FGD2: variants seen among roughly 807,000 people sequenced by gnomAD.
The protein encoded by FGD2 is FYVE, RhoGEF and PH domain-containing protein 2.
A neutral mutation model predicts 75.9 loss-of-function variants in FGD2; 52 were observed. The observed-to-expected ratio is 0.69, with a 90% CI of 0.55 to 0.86. The LOEUF (loss-of-function observed/expected upper bound fraction) is 0.86. FGD2 is among the 40% of genes least tolerant of loss of function. FGD2 has a pLI of 0.00. For missense variants in FGD2, 790 were observed against 872.0 expected (o/e 0.91, Z 1.18); for synonymous variants, 347 against 348.6 (o/e 1.00, Z 0.05).
At position 37,021,455 on chromosome 6, in the gene FGD2, G is replaced by A. The variant is rs1032605678; in HGVS notation, c.1234-57G>A. The A allele has an allele frequency of 2.0e-6, 3 of 1,470,570 alleles. No individual in the cohort carries two copies. In the African/African-American group the frequency reaches 4.2e-5, roughly 20 times the overall value. The allele number at this position is 1,470,570 out of a possible 1,614,324, so 91.1% of individuals were successfully genotyped here. A position where few individuals can be genotyped will look rare whatever the true frequency, so the allele number is the denominator to read the frequency against. ...TGCATGCACGGAAGGATGGACAGAGGAGCAATCCCTCCCTTCCACACCTCA... is the reference window on the plus strand; with the variant it reads ...TGCATGCACGGAAGGATGGACAGAGAAGCAATCCCTCCCTTCCACACCTCA... On this transcript the variant is annotated intron_variant, in intron 11 of 15. Transcript: ENST00000274963.
At chr6:37,021,462 C>T (rs1396776099) in intron 11 of FGD2, 50 bp from the exon 12 acceptor site, 1 of 1,497,848 alleles carries the variant, frequency 6.7e-7, no homozygotes, top group Non-Finnish European at 9.2e-7. Context: ...GAGGAGCAAT[C>T]CCTCCCTTCC....
rs1268227797 is a variant in FGD2 at position 37,020,743 on chromosome 6, T to C, written c.1233+4T>C. The stretch of plus-strand genomic sequence containing the variant: ...GGAAATGATTTCCTGGATGCAGGTA[T>C]GGGAACGCTCCGAGGCTTCTGGGAG... On this transcript the variant is annotated splice_donor_region_variant and intron_variant, in intron 11 of 15. Transcript: ENST00000274963. 3 of 1,565,932 alleles carry C rather than the reference T, an allele frequency of 1.9e-6. No homozygotes were observed. Among genetic ancestry groups the C allele is most frequent in the Non-Finnish European group, 2.6e-6 (3 of 1,153,690 alleles).
rs368683361 is a variant in FGD2 at position 37,020,541 on chromosome 6, G to A, written c.1123G>A (p.Val375Met). ...CTGGTTGCCTCCCTCCTCTTGGCAG[G>A]TGCGGGAGCTGATGGATGCTGAGTT... ...RTRIDVAGMKVRELMDAEFPH... is the reference protein window; with the variant it reads ...RTRIDVAGMKMRELMDAEFPH... Residue 375 changes from valine (V) to methionine (M), a missense_variant and splice_region_variant, in exon 10 of 16, where the codon GTG becomes ATG. Transcript: ENST00000274963. 2.6e-5 allele frequency: 42 copies of A among 1,604,756 alleles called. No individual in the cohort carries two copies. The highest frequency in any genetic ancestry group is 4.2e-4 in the Middle Eastern group (2 of 4,782).
At chr6:37,027,808 G>T (rs866804461) in intron 15 of FGD2, 140 bp from the exon 16 acceptor site, 4 of 1,074,232 alleles carry the variant, frequency 3.7e-6, no homozygotes, top group Middle Eastern at 2.8e-4. Flanking sequence ...CCTCTTCCTC[G>T]ATGGCCTTCA....
Position 37,011,786 on chromosome 6 carries a change from C to A in FGD2, c.459C>A (p.Asn153Lys). The stretch of plus-strand genomic sequence containing the variant: ...ATGTGGTCAGGGTCATCTTCTCCAA[C>A]ATCTCCTCCATCTATCAGTTCCATT... ...PEDVVRVIFS[N>K]ISSIYQFHSQ... The change falls in exon 4 of 16, where the codon AAC (asparagine) becomes AAA (lysine). Residue 153 changes from asparagine to lysine, a missense_variant. By Grantham distance (94) the Asn-to-Lys change is moderately conservative. Transcript: ENST00000274963. The A allele has an allele frequency of 6.2e-7, 1 of 1,614,214 alleles. No individual in the cohort carries two copies. Among genetic ancestry groups the A allele is most frequent in the Non-Finnish European group, 8.5e-7 (1 of 1,180,028 alleles).
Position 37,028,523 on chromosome 6 carries a change from A to T in FGD2, c.*360A>T, listed in dbSNP as rs1448628479. The T allele has an allele frequency of 4.3e-6, 1 of 230,034 alleles. No homozygotes were observed. The highest frequency in any genetic ancestry group is 2.3e-5 in the African/African-American group (1 of 44,322). The allele number at this position is 230,034 out of a possible 1,614,324, so 14.2% of individuals were successfully genotyped here. On this transcript the variant is annotated 3_prime_UTR_variant, in exon 16 of 16. Coordinates refer to ENST00000274963, the MANE Select transcript of FGD2 (RefSeq NM_173558.4). ...TTTAAAGAGTACTGGTGAAAAACAC[A>T]TAGTAAATTAATTTTAAAAATGTAA...
intron 4 of FGD2, 118 bp downstream of exon 4, chr6:37,011,972 G>C: frequency 8.6e-7 from 1 of 1,158,134 alleles, no homozygotes; most frequent in South Asian, 1.6e-5. Context: ...GTGTGGCCAT[G>C]CCTCCCTGGG....
At chr6:37,015,745 A>G in intron 8 of FGD2, 23 bp from the exon 9 acceptor site, 14 of 1,565,364 alleles carry the variant, frequency 8.9e-6, no homozygotes, top group Non-Finnish European at 1.2e-5. Context: ...GCCACGGGCC[A>G]CTCACGCCTG....
chr6:37,015,100 C>T, intron 8 of FGD2, 62 bp downstream of exon 8: 1 of 1,563,994 alleles, frequency 6.4e-7, no homozygotes, highest in Non-Finnish European at 8.6e-7. Context: ...CCACTCTGGC[C>T]CGAGTCATAC....
At position 37,020,888 on chromosome 6, in the gene FGD2, A is replaced by ATGTGTGTGTGTG. The variant is rs58421270; in HGVS notation, c.1233+162_1233+173dup. ...AGGGGAGGGAGTGGTGTATGTATGC[A>ATGTGTGTGTGTG]TGTGTGTGTGTGTGTGTGTGTGTGC... On this transcript the variant is annotated intron_variant, in intron 11 of 15. Coordinates refer to ENST00000274963, the MANE Select transcript of FGD2 (RefSeq NM_173558.4). The ATGTGTGTGTGTG allele has an allele frequency of 3.3e-3, 2,306 of 697,446 alleles. 28 individuals carry two copies. In the African/African-American group the frequency reaches 0.035, roughly 10 times the overall value. 43.2% of individuals were successfully genotyped at this position (697,446 alleles called of 1,614,324 possible).
At position 37,022,031 on chromosome 6, in the gene FGD2, A is replaced by C. The variant is rs528266851; in HGVS notation, c.1327-208A>C. 9.3e-6 allele frequency: 6 copies of C among 643,870 alleles called. No individual in the cohort carries two copies. In the South Asian group the frequency reaches 1.2e-4, roughly 13 times the overall value. 39.9% of individuals were successfully genotyped at this position (643,870 alleles called of 1,614,324 possible). On this transcript the variant is annotated intron_variant, in intron 12 of 15. Transcript: ENST00000274963. ...GAGTCATTTGACCTCTCTGGGCCTC[A>C]GTTTCCTCACTTATACAATAGGAAT...
Position 37,014,657 on chromosome 6 carries a change from A to T in FGD2, c.835A>T (p.Met279Leu). ...CCTGCCCCTTTCAGAAGCCCTGGAC[A>T]TGATCTTCTCAGCTGCCCAGCACTC... ...DQADAQKALD[M>L]IFSAAQHSNA... is the part of the protein sequence containing the mutation. The change falls in exon 7 of 16, where the codon ATG becomes TTG. Residue 279 changes from methionine to leucine, a missense_variant. Physicochemically the swap from Met to Leu is conservative, Grantham distance 15. Coordinates refer to ENST00000274963, the MANE Select transcript of FGD2 (RefSeq NM_173558.4). The T allele has an allele frequency of 1.9e-6, 3 of 1,614,012 alleles. No homozygotes were observed. The highest frequency in any genetic ancestry group is 2.5e-6 in the Non-Finnish European group (3 of 1,179,986).
In FGD2 at chr6:37,010,602, G is replaced by A. The variant is rs188277597; in HGVS notation, c.301-371G>A. Among the ~76,000 whole-genome samples, 297 of 152,316 alleles carry A rather than the reference G, an allele frequency of 1.9e-3. 5 individuals carry two copies. The highest frequency in any genetic ancestry group is 0.017 in the Admixed American group (255 of 15,308). ...AGGGACAGCCGGAAGACTGGGCTCA[G>A]CTGGGATGCTGGCAGGGCTGGGCTC... is the stretch of plus-strand genomic sequence containing the variant. On this transcript the variant is annotated intron_variant, in intron 2 of 15. Transcript: ENST00000274963.
At chr6:37,009,851 T>C (rs1764925782) in intron 2 of FGD2, 2 of 151,876 alleles carry the variant, frequency 1.3e-5, no homozygotes, top group Non-Finnish European at 1.5e-5. Context: ...CTGTCTCAAC[T>C]AAAAATACAA....
At chr6:37,014,572 A>G in intron 6 of FGD2, 74 bp from the exon 7 acceptor site, 6 of 1,568,064 alleles carry the variant, frequency 3.8e-6, no homozygotes, top group Non-Finnish European at 5.2e-6. Flanking sequence ...CCCTTTGTTG[A>G]ACTTCAAGGA....
Position 37,015,528 on chromosome 6 carries a change from T to C in FGD2, c.1030-240T>C, listed in dbSNP as rs528705975. ...GGCCTTGTAGGTTTCTGAGGTCTGC[T>C]ATGGTCCCTTGTAGGGTGACCCTTC... On this transcript the variant is annotated intron_variant, in intron 8 of 15. Coordinates refer to ENST00000274963, the MANE Select transcript of FGD2 (RefSeq NM_173558.4). Among the ~76,000 whole-genome samples the C allele has an allele frequency of 4.3e-4, 65 of 152,310 alleles. 1 individual carries two copies. The highest frequency in any genetic ancestry group is 8.4e-4 in the Non-Finnish European group (57 of 67,998).
chr6:37,014,307 C>G, intron 6 of FGD2: 1 of 663,596 alleles, frequency 1.5e-6, no homozygotes, highest in Middle Eastern at 4.0e-4. Context: ...CTCAAGGTCA[C>G]GCAGCCAGAG....
chr6:37,011,041 G>A lies in FGD2; in HGVS notation c.369G>A (p.Leu123=), dbSNP rs773375192. The A allele has an allele frequency of 6.2e-7, 1 of 1,614,132 alleles. No homozygotes were observed. The highest frequency in any genetic ancestry group is 1.7e-5 in the Admixed American group (1 of 60,014). ...AGGCCTATGTGGCGCGCCTCCACCT[G>A]CTAGACCAGGCCAGTGACCAGGACA... ...TEQAYVARLH[L]LDQVFFQELL... is the part of the protein sequence containing the mutation. Residue 123 remains leucine, a synonymous_variant, in exon 3 of 16, where the codon CTG becomes CTA. Coordinates refer to ENST00000274963, the MANE Select transcript of FGD2 (RefSeq NM_173558.4).
chr6:37,025,806 G>A lies in FGD2; in HGVS notation c.1473G>A (p.Arg491=), dbSNP rs746559721. The change falls in exon 14 of 16, where the codon AGG becomes AGA. Residue 491 remains arginine, a synonymous_variant. Coordinates refer to ENST00000274963, the MANE Select transcript of FGD2 (RefSeq NM_173558.4). ...CRACGYVVCA[R]CSDYRAELKY... is the part of the protein sequence containing the mutation. ...GTCCTCCTCAGGTGGTGTGTGCCAG[G>A]TGCTCCGACTACCGGGCCGAACTGA... The A allele has an allele frequency of 8.1e-6, 13 of 1,614,180 alleles. 1 individual carries two copies. The South Asian group carries it at 1.3e-4, about 16-fold the overall frequency.
Sources: allele counts gnomAD v4.1 joint callset (sites outside exome capture counted in the v4.1 genomes callset), GRCh38; gene constraint gnomAD v4.1.1; transcripts MANE v1.5; gene names NCBI Gene and HGNC (gene_info 2026-07-23, HGNC 2026-07-21).